Variants in GRIN2B observed in about 807,000 individuals in gnomAD.
GRIN2B encodes glutamate ionotropic receptor NMDA type subunit 2B.
Under a neutral mutation model 114.5 loss-of-function variants are expected in GRIN2B, and 5 were observed. The observed-to-expected ratio is 0.04, with a 90% CI of 0.02 to 0.09. The LOEUF (loss-of-function observed/expected upper bound fraction) is 0.09, where lower values mean the gene tolerates loss of function less well. Among genes scored for constraint, GRIN2B ranks in the 10% least tolerant of loss-of-function variants. The probability of loss-of-function intolerance (pLI) is 1.00; values close to 1 mark genes in which losing one functional copy is unlikely to be tolerated. For synonymous variants in GRIN2B, 787 were observed against 745.1 expected (o/e 1.06, Z -0.92); for missense variants, 1,108 against 1,943.5 (o/e 0.57, Z 8.08).
At chr12:13,837,507 G>A (rs773386396) in intron 3 of GRIN2B, among the ~76,000 whole-genome samples, 13 of 152,196 alleles carry the variant, frequency 8.5e-5, no homozygotes, top group African/African-American at 2.7e-4. Context: ...GCATTGGACA[G>A]AGTGTTTAGT....
intron 5 of GRIN2B, among the ~76,000 whole-genome samples, chr12:13,641,001 C>T (rs74067243): frequency 0.066 from 10,087 of 152,104 alleles, 500 homozygotes; most frequent in African/African-American, 0.14. Context: ...AACTTCGGAA[C>T]CATAGTTTTC....
intron 4 of GRIN2B, among the ~76,000 whole-genome samples, chr12:13,737,306 G>C (rs1204569014): frequency 6.6e-6 from 1 of 151,604 alleles, no homozygotes; most frequent in Non-Finnish European, 1.5e-5. Context: ...CCACCTCCCA[G>C]GTTCACACCA....
At chr12:13,828,443 T>C (rs1044348625) in intron 3 of GRIN2B, among the ~76,000 whole-genome samples, 3 of 152,152 alleles carry the variant, frequency 2.0e-5, no homozygotes. Context: ...TATGCACAGA[T>C]TTGAGCAAAA....
chr12:13,865,692 T>C (rs1462194517), intron 3 of GRIN2B, 106 bp downstream of exon 3: 4 of 935,406 alleles, frequency 4.3e-6, no homozygotes, highest in Non-Finnish European at 7.0e-6. Context: ...GTCAATGCAA[T>C]CTGGTTACCT....
At chr12:13,814,985 C>T (rs1216898708) in intron 3 of GRIN2B, among the ~76,000 whole-genome samples, 1 of 152,100 alleles carries the variant, frequency 6.6e-6, no homozygotes, top group African/African-American at 2.4e-5. Context: ...ACGTTGATCT[C>T]ATTTTTCTAG....
chr12:13,753,563 G>A lies in GRIN2B; in HGVS notation c.764C>T (p.Thr255Met), dbSNP rs748054907. 1.4e-5 allele frequency: 22 copies of A among 1,614,150 alleles called. No homozygotes were observed. Among genetic ancestry groups the A allele is most frequent in the South Asian group, 2.2e-5 (2 of 91,082 alleles). ...NSVGLTGYGY[T>M]WIVPSLVAGD... ...TGCCACCAGACTGGGCACGATCCAC[G>A]TGTAGCCATAGCCAGTCAGCCCTAC... The change falls in exon 4 of 14, where the codon ACG becomes ATG. Residue 255 changes from threonine (T) to methionine (M), a missense_variant. By Grantham distance (81) the Thr-to-Met change is moderately conservative. Coordinates refer to ENST00000609686, the MANE Select transcript of GRIN2B (RefSeq NM_000834.5). The surrounding 1 kb of genome is among the most constrained non-coding windows in gnomAD (Gnocchi z 6.2).
intron 2 of GRIN2B, among the ~76,000 whole-genome samples, chr12:13,916,304 AGTTT>A (rs1866719176): frequency 6.6e-6 from 1 of 152,210 alleles, no homozygotes; most frequent in African/African-American, 2.4e-5. Context: ...TAAATCAGGA[AGTTT>A]GTTAGGTTTG....
intron 4 of GRIN2B, among the ~76,000 whole-genome samples, chr12:13,733,589 G>A: frequency 6.6e-6 from 1 of 152,154 alleles, no homozygotes; most frequent in Non-Finnish European, 1.5e-5. Flanking sequence ...AAAAGAGGAT[G>A]GCTCCTGGTG....
At chr12:13,740,300 T>C (rs1316783464) in intron 4 of GRIN2B, among the ~76,000 whole-genome samples, 1 of 152,200 alleles carries the variant, frequency 6.6e-6, no homozygotes, top group Non-Finnish European at 1.5e-5. Flanking sequence ...CCACTCCTTG[T>C]GAAGACAATC....
rs1271514055 is a variant in GRIN2B at position 13,803,274 on chromosome 12, G to A, written c.412-49359C>T. ...TTTGGGGAGTCAAAAGTTACACACA[G>A]ATTTTTTACTGTGTGGGAGGTTGGT... On this transcript the variant is annotated intron_variant, in intron 3 of 13. Transcript: ENST00000609686. Among the ~76,000 whole-genome samples the A allele has an allele frequency of 4.6e-5, 7 of 152,098 alleles. 1 individual carries two copies. The highest frequency in any genetic ancestry group is 7.4e-5 in the Non-Finnish European group (5 of 68,016).
rs2136405540 is a variant in GRIN2B, at chr12:13,564,184, G to A, written c.3054C>T (p.Ile1018=). ...GGCCGATGTCCAGGGGCTTCTTGCTGATGGACCTGGACTGGGTGGTGAAGG... is the reference window on the plus strand; with the variant it reads ...GGCCGATGTCCAGGGGCTTCTTGCTAATGGACCTGGACTGGGTGGTGAAGG... The part of the protein sequence containing the change: ...NPPFTTQSRS[I]SKKPLDIGLP... Residue 1018 remains isoleucine (I), a synonymous_variant, in exon 14 of 14, where the codon ATC becomes ATT. Coordinates refer to ENST00000609686, the MANE Select transcript of GRIN2B (RefSeq NM_000834.5). This position sits in a 1 kb window ranked among gnomAD's most constrained non-coding sequence, Gnocchi z 4.8. 3 of 1,614,180 alleles carry A rather than the reference G, an allele frequency of 1.9e-6. No homozygotes were observed. Among genetic ancestry groups the A allele is most frequent in the Non-Finnish European group, 2.5e-6 (3 of 1,180,030 alleles).
intron 4 of GRIN2B, among the ~76,000 whole-genome samples, chr12:13,693,245 C>T (rs978609339): frequency 2.6e-5 from 4 of 152,056 alleles, no homozygotes; most frequent in Admixed American, 1.3e-4. Context: ...TACATCATTT[C>T]GCTTAAGGTT....
At chr12:13,876,854 A>G (rs1425288652) in intron 2 of GRIN2B, among the ~76,000 whole-genome samples, 1 of 152,228 alleles carries the variant, frequency 6.6e-6, no homozygotes, top group South Asian at 2.1e-4. Flanking sequence ...AGCATGTGGC[A>G]TAATGGTAGG....
At chr12:13,616,400 G>A in intron 6 of GRIN2B, 55 bp downstream of exon 6, 3 of 1,263,746 alleles carry the variant, frequency 2.4e-6, no homozygotes, top group East Asian at 2.3e-5. Flanking sequence ...GTGCTAACAG[G>A]TGCATCAAAG....
intron 4 of GRIN2B, among the ~76,000 whole-genome samples, chr12:13,744,119 C>T (rs1591707882): frequency 6.6e-6 from 1 of 152,112 alleles, no homozygotes; most frequent in Non-Finnish European, 1.5e-5. Flanking sequence ...GGATATTTAG[C>T]GACCATCCTT....
rs149511470 is a variant in GRIN2B at position 13,617,317 on chromosome 12, C to A, written c.1126-660G>T. Among the ~76,000 whole-genome samples, 44 of 152,358 alleles carry A rather than the reference C, an allele frequency of 2.9e-4. No homozygotes were observed. In the East Asian group the frequency reaches 7.9e-3, roughly 27 times the overall value. On this transcript the variant is annotated intron_variant, in intron 5 of 13. Transcript: ENST00000609686. ...TCAATGCAGATGTGCACCTCCTGGG[C>A]TGGGTGGAAGCCCTGGGATGAATCA...
chr12:13,765,755 C>T (rs1045396610), intron 3 of GRIN2B, among the ~76,000 whole-genome samples: 1 of 152,198 alleles, frequency 6.6e-6, no homozygotes, highest in African/African-American at 2.4e-5. Flanking sequence ...ATTTTACCAA[C>T]AGAGAAAGTG....
intron 10 of GRIN2B, among the ~76,000 whole-genome samples, chr12:13,582,915 T>C (rs749914560): frequency 2.6e-4 from 40 of 152,246 alleles, no homozygotes; most frequent in Non-Finnish European, 5.7e-4. Flanking sequence ...TTCTTTTGTA[T>C]TTTATAAAAT....
At chr12:13,571,545 A>G (rs1948708624) in intron 11 of GRIN2B, among the ~76,000 whole-genome samples, 1 of 151,966 alleles carries the variant, frequency 6.6e-6, no homozygotes, top group Non-Finnish European at 1.5e-5. Flanking sequence ...CATTTATTTC[A>G]CTCTTATTTC....
Sources: gnomAD v4.1 joint callset for allele counts (sites outside exome capture counted in the v4.1 genomes callset) on GRCh38, gnomAD v4.1.1 for gene constraint, Gnocchi (gnomAD v3.1) non-coding constraint, MANE v1.5 for transcripts, NCBI Gene and HGNC (gene_info 2026-07-23, HGNC 2026-07-21) for gene names.